KDM4C: variants seen among roughly 807,000 people sequenced by gnomAD.
KDM4C encodes the protein lysine demethylase 4C, also known as lysine-specific demethylase 4C.
In KDM4C, 81 loss-of-function variants were observed where a neutral mutation model predicts 129.3. The ratio of observed to expected loss-of-function variants is 0.63; its 90% CI spans 0.52 to 0.75. The LOEUF is 0.75. Ranked by LOEUF, KDM4C falls within the 30% of genes least tolerant of loss-of-function variation. KDM4C has a pLI of 0.00. For synonymous variants in KDM4C, 573 were observed against 456.1 expected (o/e 1.26, Z -3.26); for missense variants, 1,457 against 1,304.0 (o/e 1.12, Z -1.81).
intron 1 of KDM4C, among the ~76,000 whole-genome samples, chr9:6,732,461 C>T (rs982749730): frequency 8.8e-5 from 13 of 147,438 alleles, no homozygotes; most frequent in Middle Eastern, 3.3e-3. Flanking sequence ...TTTGGGAGGC[C>T]GAGGTGGGTG....
At chr9:6,926,918 G>C (rs1013510939) in intron 8 of KDM4C, among the ~76,000 whole-genome samples, 1 of 152,088 alleles carries the variant, frequency 6.6e-6, no homozygotes, top group African/African-American at 2.4e-5. Context: ...GAAGCTATTG[G>C]TAGATGCAAT....
intron 17 of KDM4C, among the ~76,000 whole-genome samples, chr9:7,062,275 G>T (rs1231192239): frequency 6.6e-6 from 1 of 151,572 alleles, no homozygotes; most frequent in Non-Finnish European, 1.5e-5. Context: ...GCCACTTTTG[G>T]CTTTTTTATT....
chr9:6,869,036 T>TA (rs1842469165), intron 5 of KDM4C, among the ~76,000 whole-genome samples: 1 of 152,218 alleles, frequency 6.6e-6, no homozygotes, highest in Non-Finnish European at 1.5e-5. Flanking sequence ...AATGGTAACT[T>TA]ACTAATTTTT....
At chr9:6,859,612 C>T (rs1840563084) in intron 5 of KDM4C, among the ~76,000 whole-genome samples, 1 of 150,266 alleles carries the variant, frequency 6.7e-6, no homozygotes, top group African/African-American at 2.4e-5. Context: ...GCCTGTAATC[C>T]AGCACTTTGG....
chr9:6,956,113 G>A (rs1366103667), intron 8 of KDM4C, among the ~76,000 whole-genome samples: 6 of 152,154 alleles, frequency 3.9e-5, no homozygotes, highest in Non-Finnish European at 2.9e-5. Flanking sequence ...GGGTAGTTGG[G>A]GGTGGTGATG....
At position 6,817,294 on chromosome 9, in the gene KDM4C, T is replaced by C. The variant is rs146818594; in HGVS notation, c.435+2549T>C. Reference sequence around the variant, plus strand: ...ACGGCTCACTGCAGCCTTGACCTCCTGGGTTCAAGCAGTCTTCCTGCCTCC... The same window carrying C: ...ACGGCTCACTGCAGCCTTGACCTCCCGGGTTCAAGCAGTCTTCCTGCCTCC... On this transcript the variant is annotated intron_variant, in intron 4 of 21. Transcript: ENST00000381309. Among the ~76,000 whole-genome samples the C allele has an allele frequency of 3.7e-3, 544 of 145,084 alleles. 3 individuals carry two copies. The highest frequency in any genetic ancestry group is 0.013 in the African/African-American group (523 of 39,410).
At chr9:6,777,453 G>A (rs959603333) in intron 1 of KDM4C, among the ~76,000 whole-genome samples, 4 of 152,110 alleles carry the variant, frequency 2.6e-5, no homozygotes, top group African/African-American at 9.7e-5. Context: ...CACATCTCCG[G>A]GGCTGTGGGA....
intron 1 of KDM4C, among the ~76,000 whole-genome samples, chr9:6,790,128 G>A (rs1028857108): frequency 8.6e-5 from 13 of 150,694 alleles, no homozygotes; most frequent in African/African-American, 2.7e-4. Context: ...AAAATTGGCC[G>A]GGTGTGGTGG....
At chr9:6,757,425 T>C (rs1189539138), upstream of KDM4C, among the ~76,000 whole-genome samples, 1 of 152,172 alleles carries the variant, frequency 6.6e-6, no homozygotes. Context: ...GCGGTAGTTG[T>C]TAAAGGGTTG....
chr9:7,141,064 G>A (rs931211513), intron 19 of KDM4C, among the ~76,000 whole-genome samples: 1 of 152,182 alleles, frequency 6.6e-6, no homozygotes, highest in Non-Finnish European at 1.5e-5. Flanking sequence ...TATAGGGTTG[G>A]GGTTTTATTC....
Position 6,814,625 on chromosome 9 carries a change from T to G in KDM4C, c.321-6T>G, listed in dbSNP as rs1054143718. 5.8e-6 allele frequency: 9 copies of G among 1,564,860 alleles called. No homozygotes were observed. The African/African-American group carries it at 9.5e-5, about 17-fold the overall frequency. On this transcript the variant is annotated splice_region_variant and splice_polypyrimidine_tract_variant and intron_variant, in intron 3 of 21. Transcript: ENST00000381309. ...TTTGTACATTTTTGTCATCTACCTT[T>G]TACAGATATTGTACTCCAAGATACT...
At chr9:7,155,703 C>G (rs548611383) in intron 19 of KDM4C, among the ~76,000 whole-genome samples, 1 of 152,214 alleles carries the variant, frequency 6.6e-6, no homozygotes, top group African/African-American at 2.4e-5. Context: ...TTTTTTATGG[C>G]TGACATGGTA....
At chr9:6,775,591 C>T (rs144753219) in intron 1 of KDM4C, among the ~76,000 whole-genome samples, 1,901 of 151,882 alleles carry the variant, frequency 0.013, 43 homozygotes, top group African/African-American at 0.043. Context: ...GGCACAATCT[C>T]GGCTCACTGC....
intron 1 of KDM4C, among the ~76,000 whole-genome samples, chr9:6,730,546 C>T (rs1368694847): frequency 2.0e-5 from 3 of 150,354 alleles, no homozygotes; most frequent in Admixed American, 6.7e-5. Context: ...ACCCGGGAGG[C>T]GGAGCTTGCA....
chr9:6,878,079 G>A (rs1444115773), intron 5 of KDM4C, among the ~76,000 whole-genome samples: 1 of 152,188 alleles, frequency 6.6e-6, no homozygotes. Context: ...ACTAAGGCAG[G>A]GAAGGAGAGT....
At chr9:6,877,274 C>G (rs1338759897) in intron 5 of KDM4C, among the ~76,000 whole-genome samples, 1 of 152,216 alleles carries the variant, frequency 6.6e-6, no homozygotes, top group East Asian at 1.9e-4. Context: ...CATCTCAGCT[C>G]ACTGCAAGCT....
chr9:6,902,914 T>A (rs1179014722), intron 8 of KDM4C, among the ~76,000 whole-genome samples: 1 of 152,190 alleles, frequency 6.6e-6, no homozygotes, highest in East Asian at 1.9e-4. Flanking sequence ...AGAAGGAATT[T>A]GAAGGAGCTG....
chr9:6,970,473 G>T (rs539511893), intron 8 of KDM4C, among the ~76,000 whole-genome samples: 1 of 152,192 alleles, frequency 6.6e-6, no homozygotes, highest in Non-Finnish European at 1.5e-5. Context: ...TTGAACCAAA[G>T]ATGGATGTAA....
At chr9:6,933,107 A>G (rs1019829816) in intron 8 of KDM4C, among the ~76,000 whole-genome samples, 3 of 152,242 alleles carry the variant, frequency 2.0e-5, no homozygotes, top group African/African-American at 7.2e-5. Context: ...TATTGCATGT[A>G]TCAGATAATA....
Sources: allele counts gnomAD v4.1 joint callset (sites outside exome capture counted in the v4.1 genomes callset), GRCh38; gene constraint gnomAD v4.1.1; transcripts MANE v1.5; gene names NCBI Gene and HGNC (gene_info 2026-07-23, HGNC 2026-07-21).